RIOK2: variants seen among roughly 807,000 people sequenced by gnomAD.
RIOK2 encodes serine/threonine-protein kinase RIO2.
Under a neutral mutation model 62.4 loss-of-function variants are expected in RIOK2, and 46 were observed. That is an observed-to-expected ratio of 0.74 (90% confidence interval 0.58 to 0.94). The LOEUF (loss-of-function observed/expected upper bound fraction) is 0.94, where lower values mean the gene tolerates loss of function less well. RIOK2 is among the 40% of genes least tolerant of loss of function. The pLI, the probability that RIOK2 is intolerant of heterozygous loss-of-function variation, is 0.00. For synonymous variants in RIOK2, 197 were observed against 216.0 expected (o/e 0.91, Z 0.77); for missense variants, 574 against 658.0 (o/e 0.87, Z 1.40).
Position 97,167,960 on chromosome 5 carries a change from C to A in RIOK2, c.904G>T (p.Ala302Ser). The A allele has an allele frequency of 6.2e-7, 1 of 1,603,184 alleles. No homozygotes were observed. The highest frequency in any genetic ancestry group is 8.5e-7 in the Non-Finnish European group (1 of 1,179,246). The change falls in exon 8 of 10, where the codon GCC becomes TCC. Residue 302 changes from alanine (A) to serine (S), a missense_variant. Ala to Ser is a moderately conservative substitution (Grantham distance 99). Coordinates refer to ENST00000283109, the MANE Select transcript of RIOK2 (RefSeq NM_018343.3). ...REDTLDVEVS[A>S]SGYTKEMQAD... The stretch of plus-strand genomic sequence containing the variant: ...TGCATTTCCTTTGTGTAGCCACTGG[C>A]AGAAACCTCCACATCAAGAGTGTCT...
chr5:97,169,706 T>A (rs1162897671), intron 6 of RIOK2, among the ~76,000 whole-genome samples: 1 of 152,226 alleles, frequency 6.6e-6, no homozygotes, highest in African/African-American at 2.4e-5. Flanking sequence ...TAACATTTTC[T>A]AAAGCATATA....
At chr5:97,175,281 A>T (rs1749134398) in intron 4 of RIOK2, among the ~76,000 whole-genome samples, 1 of 152,166 alleles carries the variant, frequency 6.6e-6, no homozygotes, top group South Asian at 2.1e-4. Context: ...TTGTTTTTAA[A>T]TACTTTTTTT....
chr5:97,177,167 T>A lies in RIOK2; in HGVS notation c.447A>T (p.Ser149=), dbSNP rs2544772. 0.69 allele frequency: 1,105,717 copies of A among 1,608,576 alleles called. 381,624 individuals are homozygous for A. Among genetic ancestry groups the A allele is most frequent in the African/African-American group, 0.78 (58,428 of 74,688 alleles). ...CAGAGAGACGAGATAAATATAGCCA[T>A]GACACATTGTGCCTATGTTTATGAT... ...RDYHKHRHNV[S]WLYLSRLSAM... is the part of the protein sequence containing the mutation. The change falls in exon 4 of 10, where the codon TCA becomes TCT. Residue 149 remains serine, a synonymous_variant. Coordinates refer to ENST00000283109, the MANE Select transcript of RIOK2 (RefSeq NM_018343.3).
chr5:97,182,967 T>C lies in RIOK2; in HGVS notation c.66+159A>G, dbSNP rs371359384. 31 of 825,810 alleles carry C rather than the reference T, an allele frequency of 3.8e-5. No homozygotes were observed. The African/African-American group carries it at 4.2e-4, about 11-fold the overall frequency. 51.2% of individuals were successfully genotyped at this position (825,810 alleles called of 1,614,324 possible). On this transcript the variant is annotated intron_variant, in intron 1 of 9. Transcript: ENST00000283109. ...GGTAAGCTCCCAAACAAAACCTTTT[T>C]AAAAATCCGACTTTCTGAATGCTCT...
intron 2 of RIOK2, among the ~76,000 whole-genome samples, chr5:97,178,295 T>A (rs1238193007): frequency 1.4e-5 from 1 of 69,726 alleles, no homozygotes; most frequent in African/African-American, 5.3e-5. Flanking sequence ...CCAAAGATGG[T>A]AGCCACAATA....
Position 97,179,054 on chromosome 5 carries a change from C to G in RIOK2, c.205+1G>C, listed in dbSNP as rs1187319685. ...CACAAATGGTGCCTCAAAATACTTA[C>G]TTTTGGTACGCTCCCAAGCTATGAG... On this transcript the variant is annotated splice_donor_variant, in intron 2 of 9. Coordinates refer to ENST00000283109, the MANE Select transcript of RIOK2 (RefSeq NM_018343.3). LOFTEE classifies it high-confidence loss of function. 1 of 1,613,806 alleles carries G rather than the reference C, an allele frequency of 6.2e-7. No individual in the cohort carries two copies. Among genetic ancestry groups the G allele is most frequent in the South Asian group, 1.1e-5 (1 of 91,040 alleles).
rs551909341 is a variant in RIOK2 at position 97,161,083 on chromosome 5, A to C, written c.*1978T>G. The C allele has an allele frequency of 2.6e-5, 4 of 152,182 alleles. No homozygotes were observed. Among genetic ancestry groups the C allele is most frequent in the Non-Finnish European group, 5.9e-5 (4 of 68,036 alleles). The allele number at this position is 152,182 out of a possible 1,614,324, so 9.4% of individuals were successfully genotyped here. ...ACTAACCATACAGTATATGTCAGGC[A>C]CTGTAATAAACTCTTTACAAGTGGT... On this transcript the variant is annotated 3_prime_UTR_variant, in exon 10 of 10. Coordinates refer to ENST00000283109, the MANE Select transcript of RIOK2 (RefSeq NM_018343.3).
At chr5:97,179,612 C>G (rs1448085033) in intron 1 of RIOK2, among the ~76,000 whole-genome samples, 1 of 151,834 alleles carries the variant, frequency 6.6e-6, no homozygotes, top group East Asian at 1.9e-4. Flanking sequence ...CACATATACA[C>G]CATGGAATAC....
intron 3 of RIOK2, among the ~76,000 whole-genome samples, chr5:97,177,500 G>T (rs1412096281): frequency 1.3e-5 from 2 of 152,102 alleles, no homozygotes; most frequent in African/African-American, 2.4e-5. Context: ...TATATCTTGG[G>T]AGTTATTAGA....
Position 97,173,179 on chromosome 5 carries a change from G to T in RIOK2, c.583C>A (p.Pro195Thr), listed in dbSNP as rs1749063082. The change falls in exon 5 of 10, where the codon CCA (proline) becomes ACA (threonine). Residue 195 changes from proline to threonine, a missense_variant. Pro to Thr is a conservative substitution (Grantham distance 38, BLOSUM62 -1). Coordinates refer to ENST00000283109, the MANE Select transcript of RIOK2 (RefSeq NM_018343.3). ...AVVMELINGY[P>T]LCQIHHVEDP... ...TTAAGAATAATGAATACTTACAGTG[G>T]ATAACCATTTATGAGTTCCATGACC... The T allele has an allele frequency of 6.2e-7, 1 of 1,602,316 alleles. No homozygotes were observed. Among genetic ancestry groups the T allele is most frequent in the South Asian group, 1.1e-5 (1 of 90,128 alleles).
intron 1 of RIOK2, among the ~76,000 whole-genome samples, chr5:97,182,323 C>T (rs1749435679): frequency 6.6e-6 from 1 of 152,202 alleles, no homozygotes; most frequent in Non-Finnish European, 1.5e-5. Context: ...TCTCACTTTG[C>T]TCCAGCCACA....
At chr5:97,181,270 C>CAAA (rs149948595) in intron 1 of RIOK2, among the ~76,000 whole-genome samples, 87 of 90,482 alleles carry the variant, frequency 9.6e-4, no homozygotes, top group African/African-American at 2.3e-3. Flanking sequence ...GACTCCGTCT[C>CAAA]AAAAAAAAAA....
Position 97,168,930 on chromosome 5 carries a change from T to A in RIOK2, c.780-78A>T, listed in dbSNP as rs190819909. On this transcript the variant is annotated intron_variant, in intron 6 of 9. Transcript: ENST00000283109. Reference sequence around the variant, plus strand: ...TTATTAGCCAATGACAATATACTTATTGGTTAATGGTATTGCTCCTCCTTA... The same window carrying A: ...TTATTAGCCAATGACAATATACTTAATGGTTAATGGTATTGCTCCTCCTTA... 17 of 783,678 alleles carry A rather than the reference T, an allele frequency of 2.2e-5. No homozygotes were observed. The Admixed American group carries it at 4.8e-4, about 22-fold the overall frequency. 48.5% of individuals were successfully genotyped at this position (783,678 alleles called of 1,614,324 possible).
At chr5:97,176,755 T>C (rs1469627065) in intron 4 of RIOK2, among the ~76,000 whole-genome samples, 3 of 152,196 alleles carry the variant, frequency 2.0e-5, no homozygotes, top group Non-Finnish European at 2.9e-5. Flanking sequence ...TTACCTGGTG[T>C]TTTCAATTAG....
intron 8 of RIOK2, chr5:97,166,915 A>G (rs909455944): frequency 1.2e-5 from 10 of 817,238 alleles, no homozygotes; most frequent in Non-Finnish European, 1.5e-5. Flanking sequence ...ATCAGTTTGT[A>G]TATATATATA....
chr5:97,177,699 G>T (rs375403453), intron 3 of RIOK2, 33 bp downstream of exon 3: 12 of 1,295,330 alleles, frequency 9.3e-6, no homozygotes, highest in African/African-American at 1.5e-5. Context: ...CTAAAGCAAA[G>T]AAAATACTTT....
chr5:97,176,356 T>C (rs1749162030), intron 4 of RIOK2, among the ~76,000 whole-genome samples: 1 of 152,202 alleles, frequency 6.6e-6, no homozygotes, highest in Non-Finnish European at 1.5e-5. Context: ...CATTTTTGTT[T>C]TTTGAGACAG....
chr5:97,178,397 TCATGCTCTTCTACAGTACCTA>T (rs1749231948), intron 2 of RIOK2, among the ~76,000 whole-genome samples: 3 of 145,980 alleles, frequency 2.1e-5, no homozygotes, highest in Admixed American at 2.0e-4. Context: ...TACATGCTCT[TCATGCTCTTCTACAGTACCTA>T]CATGCTTTTC....
In RIOK2 at chr5:97,161,413, T is replaced by C. The variant is rs1350770115; in HGVS notation, c.*1648A>G. The C allele has an allele frequency of 1.5e-5, 2 of 130,718 alleles. No homozygotes were observed. The highest frequency in any genetic ancestry group is 2.5e-4 in the East Asian group (1 of 3,974). 8.1% of individuals were successfully genotyped at this position (130,718 alleles called of 1,614,324 possible). ...TCTAATTGATGGCTAGCCAAACATA[T>C]CTTCAAAAAATAACTATTATAATTA... On this transcript the variant is annotated 3_prime_UTR_variant, in exon 10 of 10. Transcript: ENST00000283109.
Sources: allele counts gnomAD v4.1 joint callset (sites outside exome capture counted in the v4.1 genomes callset), GRCh38; gene constraint gnomAD v4.1.1; transcripts MANE v1.5; gene names NCBI Gene and HGNC (gene_info 2026-07-23, HGNC 2026-07-21).